SMYD3: variants seen among roughly 807,000 people sequenced by gnomAD.
SMYD3 encodes the protein SET and MYND domain containing 3, also known as histone-lysine N-methyltransferase SMYD3.
SMYD3 carries 36 observed loss-of-function variants against 57.7 expected under a neutral mutation model. The ratio of observed to expected loss-of-function variants is 0.62; its 90% confidence interval spans 0.48 to 0.82. SMYD3 has a LOEUF of 0.82. Ranked by LOEUF, SMYD3 falls within the 40% of genes least tolerant of loss-of-function variation. The probability of loss-of-function intolerance (pLI) is 0.00; values close to 1 mark genes in which losing one functional copy is unlikely to be tolerated. For missense variants in SMYD3, 515 were observed against 538.8 expected, an observed-to-expected ratio of 0.96 and a Z score of 0.44; for synonymous variants, 211 against 195.0, an observed-to-expected ratio of 1.08 and a Z score of -0.68.
chr1:246,381,747 T>A (rs1054187671), intron 1 of SMYD3, among the ~76,000 whole-genome samples: 1 of 152,206 alleles, frequency 6.6e-6, no homozygotes, highest in African/African-American at 2.4e-5. Flanking sequence ...TCAACACCAA[T>A]AACTGTTGAC....
chr1:246,222,603 C>T (rs2063274379), intron 5 of SMYD3, among the ~76,000 whole-genome samples: 1 of 152,116 alleles, frequency 6.6e-6, no homozygotes. Context: ...ATATATCCTT[C>T]CTTAATTTAT....
In SMYD3 at chr1:246,209,776, C is replaced by T. The variant is rs79257342; in HGVS notation, c.531+117425G>A. 0.021 allele frequency among the ~76,000 whole-genome samples: 3,134 copies of T among 152,198 alleles called. 231 individuals are homozygous for T. In the East Asian group the frequency reaches 0.24, roughly 11 times the overall value. On this transcript the variant is annotated intron_variant, in intron 5 of 11. Coordinates refer to ENST00000490107, the MANE Select transcript of SMYD3 (RefSeq NM_001167740.2). ...CCCAAGCAGTGATGGGGGGCTACCC[C>T]TCCCCACTAAGGAATAATCACATTC...
intron 1 of SMYD3, among the ~76,000 whole-genome samples, chr1:246,375,862 TGG>T (rs1558431817): frequency 6.6e-6 from 1 of 152,096 alleles, no homozygotes; most frequent in African/African-American, 2.4e-5. Flanking sequence ...CCCAAGTAGC[TGG>T]GATTACAGGT....
At chr1:246,240,519 T>C (rs945439622) in intron 5 of SMYD3, among the ~76,000 whole-genome samples, 3 of 152,076 alleles carry the variant, frequency 2.0e-5, no homozygotes, top group Non-Finnish European at 4.4e-5. Flanking sequence ...TGAAGTCAGG[T>C]AGCATGATGC....
At chr1:245,816,517 T>TAA (rs35612835) in intron 10 of SMYD3, among the ~76,000 whole-genome samples, 71,082 of 100,106 alleles carry the variant, frequency 0.71, 27,339 homozygotes, top group Non-Finnish European at 0.85. Flanking sequence ...TTCATCTATG[T>TAA]AAAAAAAAAA....
intron 5 of SMYD3, chr1:246,052,854 A>C (rs1291259905): frequency 6.6e-6 from 1 of 152,228 alleles, no homozygotes; most frequent in Admixed American, 6.5e-5. Flanking sequence ...GGCACTTTGT[A>C]CTTTGCCTGT....
chr1:246,072,169 T>G (rs1453044085), intron 5 of SMYD3, among the ~76,000 whole-genome samples: 8 of 126,424 alleles, frequency 6.3e-5, no homozygotes, highest in Admixed American at 1.6e-4. Context: ...GCTCACTGTC[T>G]TTGCATCCTG....
intron 5 of SMYD3, among the ~76,000 whole-genome samples, chr1:246,192,377 AGG>A (rs1170727246): frequency 6.6e-6 from 1 of 152,238 alleles, no homozygotes; most frequent in Non-Finnish European, 1.5e-5. Context: ...GGAACCCAGC[AGG>A]GCAGTTGTTA....
chr1:246,072,086 G>A (rs373709617), intron 5 of SMYD3, among the ~76,000 whole-genome samples: 67 of 61,626 alleles, frequency 1.1e-3, no homozygotes, highest in Non-Finnish European at 1.4e-3. Context: ...GGAGGGATTC[G>A]TGTGCTTTCC....
intron 9 of SMYD3, 73 bp from the exon 10 acceptor site, chr1:245,858,743 G>T: frequency 6.7e-7 from 1 of 1,495,184 alleles, no homozygotes; most frequent in Non-Finnish European, 9.1e-7. Flanking sequence ...TTCTCTAAAA[G>T]GCTAAAGAGC....
chr1:246,171,155 G>A (rs1170167994), intron 5 of SMYD3, among the ~76,000 whole-genome samples: 1 of 152,122 alleles, frequency 6.6e-6, no homozygotes, highest in African/African-American at 2.4e-5. Context: ...ATTGGGTGAG[G>A]TAGAACCAAT....
intron 5 of SMYD3, among the ~76,000 whole-genome samples, chr1:246,067,587 C>A (rs934294302): frequency 6.6e-6 from 1 of 152,052 alleles, no homozygotes; most frequent in Non-Finnish European, 1.5e-5. Context: ...ATAATAGCTG[C>A]GCCCACACAC....
chr1:246,116,703 T>TA (rs2061347822), intron 5 of SMYD3, among the ~76,000 whole-genome samples: 1 of 152,198 alleles, frequency 6.6e-6, no homozygotes, highest in South Asian at 2.1e-4. Flanking sequence ...ACATAGCACA[T>TA]ATAACTAGTT....
intron 5 of SMYD3, among the ~76,000 whole-genome samples, chr1:246,105,158 G>A (rs1386188526): frequency 2.0e-5 from 3 of 152,158 alleles, no homozygotes; most frequent in Non-Finnish European, 2.9e-5. Context: ...TGAGGAAGCC[G>A]ATCAGACACT....
At chr1:245,952,821 A>C (rs1364362293) in intron 5 of SMYD3, among the ~76,000 whole-genome samples, 1 of 152,182 alleles carries the variant, frequency 6.6e-6, no homozygotes, top group East Asian at 1.9e-4. Context: ...CGCATACTAA[A>C]ATGATGAGCC....
At chr1:246,260,229 C>T (rs1288808874) in intron 5 of SMYD3, among the ~76,000 whole-genome samples, 3 of 152,012 alleles carry the variant, frequency 2.0e-5, no homozygotes, top group African/African-American at 7.2e-5. Flanking sequence ...GGAAGAGTTG[C>T]GTGGCTCAGG....
At chr1:245,801,526 G>A (rs1258693152) in intron 10 of SMYD3, among the ~76,000 whole-genome samples, 1 of 152,234 alleles carries the variant, frequency 6.6e-6, no homozygotes, top group Non-Finnish European at 1.5e-5. Flanking sequence ...ACGAAGCTCA[G>A]AGGAAGGGAT....
chr1:246,174,293 C>T (rs1226535070), intron 5 of SMYD3, among the ~76,000 whole-genome samples: 1 of 152,114 alleles, frequency 6.6e-6, no homozygotes, highest in Non-Finnish European at 1.5e-5. Context: ...ACCAGGTTCA[C>T]CACAAACACG....
intron 5 of SMYD3, chr1:246,186,650 A>C (rs2062645652): frequency 1.4e-6 from 1 of 693,420 alleles, no homozygotes; most frequent in Admixed American, 6.3e-5. Flanking sequence ...TATCAGCCCC[A>C]AAACTAAGAG....
Sources: gnomAD v4.1 joint callset for allele counts (sites outside exome capture counted in the v4.1 genomes callset) on GRCh38, gnomAD v4.1.1 for gene constraint, MANE v1.5 for transcripts, NCBI Gene and HGNC (gene_info 2026-07-23, HGNC 2026-07-21) for gene names.